The following MEI4 variants were observed in gnomAD, a reference collection of about 807,000 sequenced individuals.
MEI4 encodes the protein meiotic double-stranded break formation protein 4.
A neutral mutation model predicts 31.4 loss-of-function variants in MEI4; 27 were observed. That is an observed-to-expected ratio of 0.86 (90% CI 0.63 to 1.19). The LOEUF is 1.19. Ranked by LOEUF, MEI4 falls within the 50% of genes most tolerant of loss-of-function variation. MEI4 has a pLI of 0.00. For missense variants in MEI4, 329 were observed against 398.9 expected, an observed-to-expected ratio of 0.82 and a Z score of 1.49; for synonymous variants, 122 against 145.4, an observed-to-expected ratio of 0.84 and a Z score of 1.16.
intron 3 of MEI4, among the ~76,000 whole-genome samples, chr6:77,798,380 TA>T (rs1383061808): frequency 1.3e-5 from 2 of 151,206 alleles, no homozygotes; most frequent in Non-Finnish European, 2.9e-5. Flanking sequence ...ATAATTAAAA[TA>T]AATATGAAGG....
At position 77,721,965 on chromosome 6, in the gene MEI4, G is replaced by A. The variant is rs1453913624; in HGVS notation, c.232+31062G>A. ...AAAACTTTAACTGGTTGAAGAGCTCGACCTACAAAAGTCTGACAAATAGTT... is the reference window on the plus strand; with the variant it reads ...AAAACTTTAACTGGTTGAAGAGCTCAACCTACAAAAGTCTGACAAATAGTT... On this transcript the variant is annotated intron_variant, in intron 2 of 4. Transcript: ENST00000684080. Among the ~76,000 whole-genome samples, 5 of 130,570 alleles carry A rather than the reference G, an allele frequency of 3.8e-5. 1 individual carries two copies. Among genetic ancestry groups the A allele is most frequent in the African/African-American group, 8.6e-5 (3 of 34,990 alleles). The allele number at this position is 130,570 out of a possible 152,430, so 85.7% of individuals were successfully genotyped here. A position where few individuals can be genotyped will look rare whatever the true frequency, so the allele number is the denominator to read the frequency against.
At chr6:77,673,729 G>A (rs543799615) in intron 1 of MEI4, among the ~76,000 whole-genome samples, 22 of 152,134 alleles carry the variant, frequency 1.4e-4, no homozygotes, top group African/African-American at 4.8e-4. Flanking sequence ...AAATGGTTAG[G>A]GAAGAAGTCC....
chr6:77,654,183 G>A (rs985021919), intron 1 of MEI4, among the ~76,000 whole-genome samples: 2 of 152,162 alleles, frequency 1.3e-5, no homozygotes, highest in African/African-American at 4.8e-5. Context: ...CTGATTTACA[G>A]CATCTCTGAG....
At chr6:77,892,295 G>C (rs1043114495) in intron 4 of MEI4, among the ~76,000 whole-genome samples, 1 of 152,180 alleles carries the variant, frequency 6.6e-6, no homozygotes, top group Non-Finnish European at 1.5e-5. Context: ...AGTGCTGCCA[G>C]TGGTGGTAAG....
intron 4 of MEI4, among the ~76,000 whole-genome samples, chr6:77,879,988 GAT>G (rs1318945056): frequency 2.0e-5 from 3 of 152,118 alleles, no homozygotes; most frequent in African/African-American, 7.2e-5. Context: ...TTTAGAATGA[GAT>G]AGCTTTTATT....
intron 2 of MEI4, among the ~76,000 whole-genome samples, chr6:77,742,587 C>CA (rs1184095428): frequency 2.0e-5 from 3 of 152,024 alleles, no homozygotes; most frequent in African/African-American, 7.2e-5. Flanking sequence ...TTCACTCTGA[C>CA]GTAGTTTCTT....
At chr6:77,860,227 A>G (rs997516349) in intron 4 of MEI4, among the ~76,000 whole-genome samples, 1 of 152,222 alleles carries the variant, frequency 6.6e-6, no homozygotes, top group African/African-American at 2.4e-5. Flanking sequence ...CTACTGTAAT[A>G]TATGATTTTC....
intron 4 of MEI4, among the ~76,000 whole-genome samples, chr6:77,850,637 A>C (rs891166909): frequency 6.6e-6 from 1 of 152,222 alleles, no homozygotes; most frequent in Non-Finnish European, 1.5e-5. Context: ...AAATTAATTC[A>C]AGATGGATTA....
At chr6:77,869,220 A>C (rs1562019656) in intron 4 of MEI4, among the ~76,000 whole-genome samples, 1 of 152,142 alleles carries the variant, frequency 6.6e-6, no homozygotes, top group Non-Finnish European at 1.5e-5. Flanking sequence ...TACAAAGGAA[A>C]CTAAGTTACA....
chr6:77,764,479 T>C (rs1428138687), intron 3 of MEI4, among the ~76,000 whole-genome samples: 1 of 152,208 alleles, frequency 6.6e-6, no homozygotes, highest in African/African-American at 2.4e-5. Context: ...CTCTTTTTTC[T>C]GCTAATTTTT....
chr6:77,684,834 A>G (rs1434126769), intron 1 of MEI4, among the ~76,000 whole-genome samples: 2 of 152,144 alleles, frequency 1.3e-5, no homozygotes, highest in Non-Finnish European at 2.9e-5. Flanking sequence ...TATCTCTTTA[A>G]TATACTGATT....
chr6:77,803,552 T>C (rs886537174), intron 3 of MEI4, among the ~76,000 whole-genome samples: 1 of 152,208 alleles, frequency 6.6e-6, no homozygotes, highest in Non-Finnish European at 1.5e-5. Context: ...GGCACTCTGA[T>C]TTTTGGAGTT....
intron 3 of MEI4, among the ~76,000 whole-genome samples, chr6:77,813,540 G>C (rs912385707): frequency 2.0e-4 from 30 of 149,178 alleles, no homozygotes; most frequent in Admixed American, 1.9e-3. Context: ...TTAAGTTCTA[G>C]GGTACATGTG....
Position 77,925,508 on chromosome 6 carries a change from A to G in MEI4, c.*2162A>G, listed in dbSNP as rs1000812848. 14 of 151,896 alleles carry G rather than the reference A, an allele frequency of 9.2e-5. No individual in the cohort carries two copies. Among genetic ancestry groups the G allele is most frequent in the African/African-American group, 3.4e-4 (14 of 41,500 alleles). 9.4% of individuals were successfully genotyped at this position (151,896 alleles called of 1,614,324 possible). On this transcript the variant is annotated 3_prime_UTR_variant, in exon 5 of 5. Coordinates refer to ENST00000684080, the MANE Select transcript of MEI4 (RefSeq NM_001322247.2). Reference sequence around the variant, plus strand: ...TTATCTGTGTTTCAGTAAAGCAGTGAATTAATGAATGATTTAAACTGGTAT... The same window carrying G: ...TTATCTGTGTTTCAGTAAAGCAGTGGATTAATGAATGATTTAAACTGGTAT...
At chr6:77,741,379 C>G (rs757317963) in intron 2 of MEI4, among the ~76,000 whole-genome samples, 4 of 152,078 alleles carry the variant, frequency 2.6e-5, no homozygotes, top group South Asian at 2.1e-4. Context: ...AGAAGGGTGA[C>G]TCTCTGATTG....
intron 2 of MEI4, among the ~76,000 whole-genome samples, chr6:77,744,786 G>C (rs969676632): frequency 7.9e-5 from 12 of 152,278 alleles, no homozygotes; most frequent in East Asian, 3.9e-4. Flanking sequence ...AGAAACCCTA[G>C]AAGCCAGAAG....
chr6:77,659,281 T>A (rs1768456741), intron 1 of MEI4, among the ~76,000 whole-genome samples: 1 of 152,024 alleles, frequency 6.6e-6, no homozygotes, highest in Non-Finnish European at 1.5e-5. Context: ...AAATTGAATT[T>A]TGGGGGTAAG....
chr6:77,775,148 T>G (rs1229011567), intron 3 of MEI4, among the ~76,000 whole-genome samples: 4 of 152,174 alleles, frequency 2.6e-5, no homozygotes, highest in Non-Finnish European at 5.9e-5. Context: ...CCTCTTCATC[T>G]CAGATTCTTA....
At chr6:77,785,558 A>G (rs1482489869) in intron 3 of MEI4, among the ~76,000 whole-genome samples, 2 of 152,220 alleles carry the variant, frequency 1.3e-5, no homozygotes, top group Non-Finnish European at 2.9e-5. Context: ...ACTCTAGTAC[A>G]TAATTCTGCA....
Sources: gnomAD v4.1 joint callset for allele counts (sites outside exome capture counted in the v4.1 genomes callset) on GRCh38, gnomAD v4.1.1 for gene constraint, MANE v1.5 for transcripts, NCBI Gene and HGNC (gene_info 2026-07-23, HGNC 2026-07-21) for gene names.